Variants in TP63 observed in about 807,000 individuals in gnomAD.
TP63 encodes the protein tumor protein 63.
A neutral mutation model predicts 82.8 loss-of-function variants in TP63; 17 were observed. The observed-to-expected ratio is 0.21, with a 90% confidence interval of 0.14 to 0.31. The LOEUF (loss-of-function observed/expected upper bound fraction) is 0.31, where lower values mean the gene tolerates loss of function less well. Among genes scored for constraint, TP63 ranks in the 10% least tolerant of loss-of-function variants. TP63 has a pLI of 1.00. For synonymous variants in TP63, 330 were observed against 321.7 expected (o/e 1.03, Z -0.28); for missense variants, 648 against 895.3 (o/e 0.72, Z 3.52).
At chr3:189,630,935 A>AAAAACAAAAC (rs374470796), upstream of TP63, among the ~76,000 whole-genome samples, 1 of 152,128 alleles carries the variant, frequency 6.6e-6, no homozygotes, top group African/African-American at 2.4e-5. Context: ...AAATAGATGA[A>AAAAACAAAAC]AAAACAAAAC....
chr3:189,632,340 C>T (rs114825333), intron 1 of TP63, among the ~76,000 whole-genome samples: 1 of 152,006 alleles, frequency 6.6e-6, no homozygotes, highest in African/African-American at 2.4e-5. Context: ...AGGTCCTTTG[C>T]GTGTTGAAAA....
rs1180190587 is a variant in TP63 at position 189,896,524 on chromosome 3, A to G, written c.*2022A>G. The G allele has an allele frequency of 4.8e-6, 1 of 209,918 alleles. No homozygotes were observed. The highest frequency in any genetic ancestry group is 9.7e-6 in the Non-Finnish European group (1 of 103,142). 13.0% of individuals were successfully genotyped at this position (209,918 alleles called of 1,614,324 possible). On this transcript the variant is annotated 3_prime_UTR_variant, in exon 14 of 14. Coordinates refer to ENST00000264731, the MANE Select transcript of TP63 (RefSeq NM_003722.5). Reference sequence around the variant, plus strand: ...AAAGTTTTGTTGTACTTAAATGGTAATAAGCACTGTAAACTTCTGCAACAA... The same window carrying G: ...AAAGTTTTGTTGTACTTAAATGGTAGTAAGCACTGTAAACTTCTGCAACAA...
intron 1 of TP63, among the ~76,000 whole-genome samples, chr3:189,736,346 G>A (rs1417972792): frequency 1.3e-5 from 2 of 151,918 alleles, no homozygotes; most frequent in Non-Finnish European, 2.9e-5. Flanking sequence ...AGAGATGCTT[G>A]TGATTTTCTC....
At position 189,719,297 on chromosome 3, in the gene TP63, T is replaced by C. The variant is rs144932254; in HGVS notation, c.63-18443T>C. On this transcript the variant is annotated intron_variant, in intron 1 of 13. Transcript: ENST00000264731. ...ACGAATCGGTAGCCTTTTTTGAAAA[T>C]ACTCAAACTTGTCCTTAGTTATAAG... Among the ~76,000 whole-genome samples the C allele has an allele frequency of 5.2e-3, 790 of 152,260 alleles. 12 individuals are homozygous for C. Among genetic ancestry groups the C allele is most frequent in the African/African-American group, 0.018 (757 of 41,550 alleles).
intron 3 of TP63, among the ~76,000 whole-genome samples, chr3:189,740,110 G>C (rs907201244): frequency 6.6e-6 from 1 of 152,146 alleles, no homozygotes; most frequent in Admixed American, 6.5e-5. Flanking sequence ...TCACTAATTT[G>C]ATTAGAGAAA....
intron 1 of TP63, among the ~76,000 whole-genome samples, chr3:189,684,368 G>C (rs932773445): frequency 1.3e-5 from 2 of 152,036 alleles, no homozygotes; most frequent in Non-Finnish European, 2.9e-5. Flanking sequence ...AGAGTTTTGA[G>C]GGTTAAAGAA....
chr3:189,735,385 T>C (rs565261957), intron 1 of TP63, among the ~76,000 whole-genome samples: 10 of 152,196 alleles, frequency 6.6e-5, no homozygotes, highest in Non-Finnish European at 1.0e-4. Flanking sequence ...TTTTTTCATA[T>C]CCCTAGGTAC....
At chr3:189,805,410 A>T (rs761088047) in intron 3 of TP63, among the ~76,000 whole-genome samples, 1 of 152,222 alleles carries the variant, frequency 6.6e-6, no homozygotes, top group Non-Finnish European at 1.5e-5. Flanking sequence ...ATAATTATTA[A>T]TGTCATATGA....
At chr3:189,859,647 T>C (rs79302870) in intron 4 of TP63, among the ~76,000 whole-genome samples, 21,283 of 152,182 alleles carry the variant, frequency 0.14, 1,859 homozygotes, top group South Asian at 0.22. Context: ...TTTGGGAGTT[T>C]GTTAGTAAGC....
Position 189,756,501 on chromosome 3 carries a change from C to A in TP63, c.324+17727C>A, listed in dbSNP as rs185305120. Among the ~76,000 whole-genome samples, 342 of 152,276 alleles carry A rather than the reference C, an allele frequency of 2.2e-3. 2 individuals are homozygous for A. The highest frequency in any genetic ancestry group is 7.7e-3 in the African/African-American group (318 of 41,554). On this transcript the variant is annotated intron_variant, in intron 3 of 13. Coordinates refer to ENST00000264731, the MANE Select transcript of TP63 (RefSeq NM_003722.5). Reference sequence around the variant, plus strand: ...ACAAGTATGCATTTCAAACCCTGAACAAACAGCCTTCTTAATAAAATAAGG... The same window carrying A: ...ACAAGTATGCATTTCAAACCCTGAAAAAACAGCCTTCTTAATAAAATAAGG...
At position 189,738,786 on chromosome 3, in the gene TP63, A is replaced by G. The variant is rs776946887; in HGVS notation, c.324+12A>G. ...GTGACCCCATGTGGGTGAGTGGCAC[A>G]GGCTTTCTCTTCAGTCTTTGGGCCA... On this transcript the variant is annotated intron_variant, in intron 3 of 13. Transcript: ENST00000264731. 1 of 1,613,972 alleles carries G rather than the reference A, an allele frequency of 6.2e-7. No individual in the cohort carries two copies. Among genetic ancestry groups the G allele is most frequent in the Non-Finnish European group, 8.5e-7 (1 of 1,179,946 alleles).
Position 189,737,765 on chromosome 3 carries a change from T to A in TP63, c.88T>A (p.Ser30Thr). ...TTTCGTAGAAACCCCAGCTCATTTCTCTTGGAAAGAAAGTTATTACCGATC... is the reference window on the plus strand; with the variant it reads ...TTTCGTAGAAACCCCAGCTCATTTCACTTGGAAAGAAAGTTATTACCGATC... ...QRFVETPAHF[S>T]WKESYYRSTM... is the part of the protein sequence containing the mutation. The change falls in exon 2 of 14, where the codon TCT becomes ACT. Residue 30 changes from serine (S) to threonine (T), a missense_variant. Physicochemically the swap from Ser to Thr is moderately conservative, Grantham distance 58 (BLOSUM62 1). Around this residue, in one of 5 missense-constraint regions of TP63, gnomAD observed 182 missense variants for 213.6 expected, o/e 0.85. Transcript: ENST00000264731. 4 of 1,614,022 alleles carry A rather than the reference T, an allele frequency of 2.5e-6. No individual in the cohort carries two copies. Among genetic ancestry groups the A allele is most frequent in the Non-Finnish European group, 3.4e-6 (4 of 1,179,892 alleles).
chr3:189,879,149 A>G (rs1175542946), intron 10 of TP63, among the ~76,000 whole-genome samples: 1 of 152,176 alleles, frequency 6.6e-6, no homozygotes, highest in Non-Finnish European at 1.5e-5. Flanking sequence ...ATTCGGGCAT[A>G]TTCTGTTAAG....
At chr3:189,835,059 A>G (rs992143306) in intron 4 of TP63, among the ~76,000 whole-genome samples, 1 of 152,104 alleles carries the variant, frequency 6.6e-6, no homozygotes, top group Non-Finnish European at 1.5e-5. Flanking sequence ...TGGGTTTTTC[A>G]TGCAGTCCCT....
Position 189,864,712 on chromosome 3 carries a change from A to G in TP63, c.766+294A>G, listed in dbSNP as rs11716871. Among the ~76,000 whole-genome samples the G allele has an allele frequency of 0.055, 8,400 of 151,844 alleles. 315 individuals are homozygous for G. The highest frequency in any genetic ancestry group is 0.14 in the Middle Eastern group (41 of 292). On this transcript the variant is annotated intron_variant, in intron 5 of 13. Coordinates refer to ENST00000264731, the MANE Select transcript of TP63 (RefSeq NM_003722.5). ...CTTCTTTTTATTTTTCTTGCCTTTAAAATAAAATAAGAGGCTGGGTACGGT... is the reference window on the plus strand; with the variant it reads ...CTTCTTTTTATTTTTCTTGCCTTTAGAATAAAATAAGAGGCTGGGTACGGT...
chr3:189,662,457 A>T (rs989067031), intron 1 of TP63, among the ~76,000 whole-genome samples: 5 of 151,836 alleles, frequency 3.3e-5, no homozygotes, highest in Non-Finnish European at 7.4e-5. Flanking sequence ...AGTTTTTTTT[A>T]ATTTATTGAG....
chr3:189,786,304 G>A (rs1038453617), intron 3 of TP63, among the ~76,000 whole-genome samples: 4 of 151,852 alleles, frequency 2.6e-5, no homozygotes, highest in African/African-American at 9.7e-5. Context: ...ATTGGGCTGG[G>A]AAAGGCCTTT....
chr3:189,715,536 A>T (rs1270047141), intron 1 of TP63, among the ~76,000 whole-genome samples: 1 of 152,200 alleles, frequency 6.6e-6, no homozygotes, highest in African/African-American at 2.4e-5. Context: ...GCAAAAGATG[A>T]TTGTAATTAC....
intron 1 of TP63, among the ~76,000 whole-genome samples, chr3:189,712,254 G>T (rs1477284017): frequency 6.6e-6 from 1 of 152,180 alleles, no homozygotes; most frequent in Non-Finnish European, 1.5e-5. Context: ...AGGTCAGTTT[G>T]TCACAGAAAT....
Sources: gnomAD v4.1 joint callset for allele counts (sites outside exome capture counted in the v4.1 genomes callset) on GRCh38, gnomAD v4.1.1 for gene constraint, gnomAD v4.1.1 regional missense constraint, MANE v1.5 for transcripts, NCBI Gene and HGNC (gene_info 2026-07-23, HGNC 2026-07-21) for gene names.